Variants in FOXP1 observed in about 807,000 individuals in gnomAD.
The protein encoded by FOXP1 is forkhead box protein P1.
A neutral mutation model predicts 98.2 loss-of-function variants in FOXP1; 15 were observed. That is an observed-to-expected ratio of 0.15 (90% CI 0.10 to 0.24). The LOEUF (loss-of-function observed/expected upper bound fraction) is 0.24, where lower values mean the gene tolerates loss of function less well. Among genes scored for constraint, FOXP1 ranks in the 10% least tolerant of loss-of-function variants. FOXP1 has a pLI of 1.00. For synonymous variants in FOXP1, 371 were observed against 314.5 expected (o/e 1.18, Z -1.90); for missense variants, 633 against 848.5 (o/e 0.75, Z 3.15).
rs1432804474 is a variant in FOXP1, at chr3:71,513,105, C to A, written c.-297-19550G>T. Among the ~76,000 whole-genome samples the A allele has an allele frequency of 2.6e-5, 4 of 152,132 alleles. 1 individual carries two copies. The highest frequency in any genetic ancestry group is 7.2e-5 in the African/African-American group (3 of 41,438). On this transcript the variant is annotated intron_variant, in intron 2 of 20. Transcript: ENST00000649528. ...CTGGCCCATACCTCTTTCCTTAACT[C>A]CAGATGTGTGTACCTATCTGCCTCT...
chr3:71,285,764 A>G (rs2072053992), intron 5 of FOXP1, among the ~76,000 whole-genome samples: 1 of 152,238 alleles, frequency 6.6e-6, no homozygotes, highest in Non-Finnish European at 1.5e-5. Context: ...GAACTGATGT[A>G]GTGGAAGAGG....
intron 5 of FOXP1, among the ~76,000 whole-genome samples, chr3:71,241,765 T>C (rs930310330): frequency 6.6e-6 from 1 of 152,250 alleles, no homozygotes; most frequent in Non-Finnish European, 1.5e-5. Context: ...AACGGCATCA[T>C]CATTACAGGG....
At chr3:71,077,476 T>C (rs1027648870) in intron 7 of FOXP1, among the ~76,000 whole-genome samples, 7 of 152,280 alleles carry the variant, frequency 4.6e-5, no homozygotes, top group South Asian at 4.1e-4. Flanking sequence ...AAACAAAAAG[T>C]ATTCCTCTGT....
chr3:71,573,613 T>G (rs935842637), intron 2 of FOXP1: 1 of 152,196 alleles, frequency 6.6e-6, no homozygotes, highest in African/African-American at 2.4e-5. Context: ...AGAGAAGGCA[T>G]GCAAAACAAC....
intron 6 of FOXP1, among the ~76,000 whole-genome samples, chr3:71,168,483 C>T (rs1487761631): frequency 6.6e-6 from 1 of 152,194 alleles, no homozygotes; most frequent in African/African-American, 2.4e-5. Context: ...GTGCAATGGC[C>T]AAATGGCCGG....
chr3:71,422,461 T>C (rs1186204555), intron 3 of FOXP1, among the ~76,000 whole-genome samples: 2 of 152,184 alleles, frequency 1.3e-5, no homozygotes, highest in African/African-American at 2.4e-5. Flanking sequence ...GGCTGCTCGT[T>C]TGAGGACCAC....
chr3:71,551,759 C>T (rs886331701), intron 2 of FOXP1, among the ~76,000 whole-genome samples: 1 of 152,152 alleles, frequency 6.6e-6, no homozygotes, highest in Non-Finnish European at 1.5e-5. Flanking sequence ...AAAACTGCCT[C>T]AGATATAAAA....
intron 17 of FOXP1, among the ~76,000 whole-genome samples, chr3:70,975,207 T>TTCA (rs2037241962): frequency 6.6e-6 from 1 of 152,238 alleles, no homozygotes; most frequent in Non-Finnish European, 1.5e-5. Flanking sequence ...ATTTTTAAAT[T>TTCA]TCATCATTTC....
chr3:70,958,031 C>G lies in FOXP1; in HGVS notation c.*1216G>C, dbSNP rs947053896. ...TTTTGCAAACAAAACCAACCCACAC[C>G]CGTTATCGCAGAGCACCCAAGGCCC... On this transcript the variant is annotated 3_prime_UTR_variant, in exon 21 of 21. Coordinates refer to ENST00000649528, the MANE Select transcript of FOXP1 (RefSeq NM_001349338.3). 8.1e-6 allele frequency: 2 copies of G among 247,998 alleles called. No individual in the cohort carries two copies. The highest frequency in any genetic ancestry group is 4.4e-5 in the African/African-American group (2 of 45,356). The allele number at this position is 247,998 out of a possible 1,614,324, so 15.4% of individuals were successfully genotyped here.
Position 71,304,672 on chromosome 3 carries a change from T to C in FOXP1, c.-72-4792A>G, listed in dbSNP as rs201572808. On this transcript the variant is annotated intron_variant, in intron 4 of 20. Transcript: ENST00000649528. ...TTAAAAACCAAGTATAAAAGTCATA[T>C]ACTTACAATTAGATAGAGTATTTGT... 14 of 152,352 alleles carry C rather than the reference T, an allele frequency of 9.2e-5. No homozygotes were observed. In the East Asian group the frequency reaches 2.5e-3, roughly 27 times the overall value. 9.4% of individuals were successfully genotyped at this position (152,352 alleles called of 1,614,324 possible).
chr3:71,383,742 C>G (rs1177216399), intron 3 of FOXP1, among the ~76,000 whole-genome samples: 1 of 152,072 alleles, frequency 6.6e-6, no homozygotes, highest in Non-Finnish European at 1.5e-5. Context: ...CCCCTTGAAC[C>G]TGGTTTGGAA....
intron 5 of FOXP1, among the ~76,000 whole-genome samples, chr3:71,275,596 G>A (rs943541814): frequency 2.5e-4 from 38 of 152,306 alleles, no homozygotes; most frequent in African/African-American, 8.4e-4. Context: ...TTTGATGGAC[G>A]CTGAGAACAA....
intron 5 of FOXP1, among the ~76,000 whole-genome samples, chr3:71,216,653 C>T (rs1464802208): frequency 6.6e-6 from 1 of 152,080 alleles, no homozygotes; most frequent in African/African-American, 2.4e-5. Flanking sequence ...GGGTGGTTTC[C>T]ATTTTTATTG....
intron 5 of FOXP1, among the ~76,000 whole-genome samples, chr3:71,251,406 T>C (rs1576596997): frequency 2.6e-5 from 4 of 152,216 alleles, no homozygotes; most frequent in Admixed American, 1.3e-4. Flanking sequence ...CAAGGTGTGA[T>C]GGATTTTTCA....
At chr3:71,389,385 G>C (rs981575797) in intron 3 of FOXP1, among the ~76,000 whole-genome samples, 2 of 152,004 alleles carry the variant, frequency 1.3e-5, no homozygotes, top group African/African-American at 2.4e-5. Context: ...TCTTGGCACA[G>C]GATCATCTCG....
At chr3:70,975,306 A>G (rs2037265731) in intron 17 of FOXP1, among the ~76,000 whole-genome samples, 3 of 152,192 alleles carry the variant, frequency 2.0e-5, no homozygotes. Flanking sequence ...AGATCCTTTC[A>G]TATTTTATCT....
At chr3:71,233,841 A>G (rs1188930204) in intron 5 of FOXP1, among the ~76,000 whole-genome samples, 1 of 152,250 alleles carries the variant, frequency 6.6e-6, no homozygotes, top group Non-Finnish European at 1.5e-5. Flanking sequence ...GGAATCAAAA[A>G]GAGAACTTAA....
At chr3:71,110,580 AT>A (rs1170253597) in intron 7 of FOXP1, among the ~76,000 whole-genome samples, 1 of 152,180 alleles carries the variant, frequency 6.6e-6, no homozygotes. Flanking sequence ...ATAAATTAGA[AT>A]TTTAATTGTG....
At chr3:71,249,541 G>C (rs1285513628) in intron 5 of FOXP1, among the ~76,000 whole-genome samples, 2 of 152,208 alleles carry the variant, frequency 1.3e-5, no homozygotes, top group African/African-American at 4.8e-5. Flanking sequence ...CCACACAACA[G>C]CTAAGCAGTG....
Sources: allele counts gnomAD v4.1 joint callset (sites outside exome capture counted in the v4.1 genomes callset), GRCh38; gene constraint gnomAD v4.1.1; transcripts MANE v1.5; gene names NCBI Gene and HGNC (gene_info 2026-07-23, HGNC 2026-07-21).